The following IAPP variants were observed in gnomAD, a reference collection of about 807,000 sequenced individuals.
IAPP encodes the protein islet amyloid polypeptide, also known as Islet amyloid polypeptide (diabetes-associated peptide; amylin).
IAPP carries 4 observed loss-of-function variants against 2.9 expected under a neutral mutation model. The ratio of observed to expected loss-of-function variants is 1.39; its 90% CI spans 0.69 to 3.19. The LOEUF is 3.19. Ranked by LOEUF, IAPP falls within the 30% of genes most tolerant of loss-of-function variation. The probability of loss-of-function intolerance (pLI) is 0.01; values close to 1 mark genes in which losing one functional copy is unlikely to be tolerated. For synonymous variants in IAPP, 40 were observed against 42.1 expected (o/e 0.95, Z 0.19); for missense variants, 114 against 105.3 (o/e 1.08, Z -0.36).
At chr12:21,375,227 C>G (rs1475116837) in intron 2 of IAPP, among the ~76,000 whole-genome samples, 1 of 152,126 alleles carries the variant, frequency 6.6e-6, no homozygotes, top group Non-Finnish European at 1.5e-5. Context: ...GTTAGTCTCA[C>G]AATCTTTAAC....
At chr12:21,366,004 A>T (rs978354819) in intron 1 of IAPP, among the ~76,000 whole-genome samples, 6 of 152,254 alleles carry the variant, frequency 3.9e-5, no homozygotes, top group African/African-American at 1.4e-4. Flanking sequence ...TTCCTCAAGT[A>T]TCTTGAACTA....
intron 1 of IAPP, among the ~76,000 whole-genome samples, chr12:21,357,812 C>T (rs1041859990): frequency 7.2e-5 from 11 of 152,094 alleles, no homozygotes; most frequent in African/African-American, 2.2e-4. Flanking sequence ...TTAAAAAATG[C>T]ATTTTCTTTT....
At position 21,373,223 on chromosome 12, in the gene IAPP, T is replaced by C. The variant is rs1405180914; in HGVS notation, c.-15-114T>C. The C allele has an allele frequency of 4.1e-6, 3 of 729,472 alleles. No individual in the cohort carries two copies. In the African/African-American group the frequency reaches 5.3e-5, roughly 13 times the overall value. 45.2% of individuals were successfully genotyped at this position (729,472 alleles called of 1,614,324 possible). ...CTGTATCAATAAAAATTTTGATCCT[T>C]GTAAATTACGTTTTAAAAAGATGTT... is the stretch of plus-strand genomic sequence containing the variant. On this transcript the variant is annotated intron_variant, in intron 1 of 2. Transcript: ENST00000240652.
intron 1 of IAPP, among the ~76,000 whole-genome samples, chr12:21,355,697 T>TA (rs1162714347): frequency 1.3e-5 from 2 of 152,104 alleles, no homozygotes; most frequent in Non-Finnish European, 2.9e-5. Flanking sequence ...CAGATTAAGT[T>TA]AAAAAACAGA....
intron 1 of IAPP, among the ~76,000 whole-genome samples, chr12:21,362,274 C>A (rs147258477): frequency 4.6e-5 from 7 of 152,012 alleles, no homozygotes; most frequent in Middle Eastern, 3.2e-3. Context: ...AATTTTCAAC[C>A]CAGAATTTCA....
chr12:21,366,774 T>C (rs77397980), intron 1 of IAPP, among the ~76,000 whole-genome samples: 3,709 of 151,962 alleles, frequency 0.024, 62 homozygotes, highest in East Asian at 0.052. Context: ...ATTAAAAATA[T>C]GATTGTAGAA....
chr12:21,377,558 C>T (rs989897581), intron 2 of IAPP, among the ~76,000 whole-genome samples: 2 of 152,124 alleles, frequency 1.3e-5, no homozygotes, highest in African/African-American at 4.8e-5. Context: ...TTAGTAACTC[C>T]CTATTTCCCC....
chr12:21,360,746 G>A (rs1056515192), intron 1 of IAPP, among the ~76,000 whole-genome samples: 3 of 152,200 alleles, frequency 2.0e-5, no homozygotes, highest in East Asian at 1.9e-4. Flanking sequence ...TATATCCCGC[G>A]GCTGGCTTGG....
At chr12:21,370,987 C>T (rs900345637), upstream of IAPP, among the ~76,000 whole-genome samples, 3 of 152,198 alleles carry the variant, frequency 2.0e-5, no homozygotes, top group Non-Finnish European at 4.4e-5. Flanking sequence ...ACAGCTCTGG[C>T]ATTTATAACT....
In IAPP at chr12:21,357,565, G is replaced by A. The variant is rs1011827778; in HGVS notation, c.-16+2552G>A. Among the ~76,000 whole-genome samples, 3 of 152,182 alleles carry A rather than the reference G, an allele frequency of 2.0e-5. No homozygotes were observed. The East Asian group carries it at 5.8e-4, about 29-fold the overall frequency. On this transcript the variant is annotated intron_variant, in intron 1 of 2. Transcript: ENST00000539393. ...TGTCATTGTTATTTTCCCATTTGTT[G>A]ACCAAATCTCCAACTGGACTATATG...
In IAPP at chr12:21,378,660, A is replaced by C; in HGVS notation, c.*234A>C. 1 of 461,672 alleles carries C rather than the reference A, an allele frequency of 2.2e-6. No homozygotes were observed. The highest frequency in any genetic ancestry group is 3.9e-6 in the Non-Finnish European group (1 of 258,384). The allele number at this position is 461,672 out of a possible 1,614,324, so 28.6% of individuals were successfully genotyped here. Reference sequence around the variant, plus strand: ...TTGCTATAGATTTGTATTTTAAAACATAAGAACGTCATTTTGGGACCTATA... The same window carrying C: ...TTGCTATAGATTTGTATTTTAAAACCTAAGAACGTCATTTTGGGACCTATA... On this transcript the variant is annotated 3_prime_UTR_variant, in exon 3 of 3. Coordinates refer to ENST00000240652, the MANE Select transcript of IAPP (RefSeq NM_000415.3).
chr12:21,369,543 G>A (rs150360509), upstream of IAPP, among the ~76,000 whole-genome samples: 1,065 of 152,298 alleles, frequency 7.0e-3, 19 homozygotes, highest in African/African-American at 0.025. Flanking sequence ...TAGAGCAGAT[G>A]ATAACCACCG....
chr12:21,366,247 T>C (rs556855941), intron 1 of IAPP, among the ~76,000 whole-genome samples: 59 of 152,244 alleles, frequency 3.9e-4, no homozygotes, highest in African/African-American at 1.3e-3. Context: ...ATATCCTTTA[T>C]AGAGACATGG....
intron 1 of IAPP, among the ~76,000 whole-genome samples, chr12:21,359,317 A>G (rs1256608850): frequency 6.6e-6 from 1 of 152,174 alleles, no homozygotes; most frequent in African/African-American, 2.4e-5. Context: ...GAAGAAAAAC[A>G]CTAGTTTAAA....
At chr12:21,373,056 A>T (rs1939916295) in intron 1 of IAPP, 52 bp downstream of exon 1, 1 of 373,320 alleles carries the variant, frequency 2.7e-6, no homozygotes, top group Non-Finnish European at 4.8e-6. Context: ...AGAAATGCAC[A>T]CTTGGTGTTA....
chr12:21,359,660 TG>T (rs1938661989), intron 1 of IAPP, among the ~76,000 whole-genome samples: 1 of 151,182 alleles, frequency 6.6e-6, no homozygotes, highest in South Asian at 2.1e-4. Context: ...GGCAGGAGAA[TG>T]GCATGAACCC....
intron 1 of IAPP, among the ~76,000 whole-genome samples, chr12:21,366,950 A>G (rs894631695): frequency 6.6e-6 from 1 of 152,120 alleles, no homozygotes; most frequent in Non-Finnish European, 1.5e-5. Flanking sequence ...GAAAAAATTC[A>G]AAAGTACTTT....
intron 1 of IAPP, among the ~76,000 whole-genome samples, chr12:21,361,124 G>A (rs541295786): frequency 6.6e-6 from 1 of 151,986 alleles, no homozygotes; most frequent in African/African-American, 2.4e-5. Context: ...GCCTAACTGG[G>A]AGGCACCTCC....
At chr12:21,361,976 A>G (rs1050303937) in intron 1 of IAPP, among the ~76,000 whole-genome samples, 3 of 152,196 alleles carry the variant, frequency 2.0e-5, no homozygotes, top group African/African-American at 7.2e-5. Context: ...ACTCTTCAGG[A>G]TATCATGCCG....
Sources: allele counts gnomAD v4.1 joint callset (sites outside exome capture counted in the v4.1 genomes callset), GRCh38; gene constraint gnomAD v4.1.1; transcripts MANE v1.5; gene names NCBI Gene and HGNC (gene_info 2026-07-23, HGNC 2026-07-21).